Variants in PACRGL observed in about 807,000 individuals in gnomAD.
The protein encoded by PACRGL is parkin coregulated like, also known as PACRG-like protein.
A neutral mutation model predicts 34.5 loss-of-function variants in PACRGL; 38 were observed. The ratio of observed to expected loss-of-function variants is 1.10; its 90% CI spans 0.85 to 1.44. The LOEUF (loss-of-function observed/expected upper bound fraction) is 1.44. PACRGL is among the 40% of genes most tolerant of loss of function. The pLI, the probability that PACRGL is intolerant of heterozygous loss-of-function variation, is 0.00. For synonymous variants in PACRGL, 128 were observed against 100.1 expected (o/e 1.28, Z -1.66); for missense variants, 305 against 281.4 (o/e 1.08, Z -0.60).
At chr4:20,734,725 T>A (rs762254961), downstream of PACRGL, 1 of 1,560,218 alleles carries the variant, frequency 6.4e-7, no homozygotes, top group Non-Finnish European at 8.7e-7. Context: ...GGAAAGACCT[T>A]TGATGAAATC....
chr4:20,700,401 G>A (rs1010784617), upstream of PACRGL: 5 of 152,188 alleles, frequency 3.3e-5, no homozygotes, highest in Non-Finnish European at 7.3e-5. Flanking sequence ...GACGCAGCGT[G>A]CGTCTGACGT....
intron 8 of PACRGL, among the ~76,000 whole-genome samples, chr4:20,750,085 A>G (rs193068543): frequency 4.9e-4 from 75 of 152,354 alleles, no homozygotes; most frequent in Non-Finnish European, 9.8e-4. Context: ...GACCATCTCT[A>G]GAAGTAAAGT....
chr4:20,732,866 A>G (rs1386053737), downstream of PACRGL: 7 of 837,546 alleles, frequency 8.4e-6, no homozygotes, highest in African/African-American at 1.0e-4. Context: ...GATTTTTCCT[A>G]CTCAATTTTA....
At chr4:20,759,174 T>A in the PACRGL span, among the ~76,000 whole-genome samples, 1 of 152,194 alleles carries the variant, frequency 6.6e-6, no homozygotes, top group Non-Finnish European at 1.5e-5. Context: ...ATGTTTATTA[T>A]AAAGTAAAAG....
intron 1 of PACRGL, among the ~76,000 whole-genome samples, chr4:20,704,126 A>T (rs1408701201): frequency 1.3e-5 from 2 of 152,188 alleles, no homozygotes; most frequent in East Asian, 1.9e-4. Context: ...ATGACAGGGA[A>T]TGTACCAACC....
the PACRGL span, among the ~76,000 whole-genome samples, chr4:20,765,684 G>A: frequency 1.3e-5 from 2 of 152,148 alleles, no homozygotes; most frequent in Non-Finnish European, 2.9e-5. Context: ...CTGCTGGCTG[G>A]TATACTTATC....
chr4:20,704,628 C>G (rs1733715263), intron 2 of PACRGL, 32 bp from the exon 3 acceptor site: 3 of 1,613,580 alleles, frequency 1.9e-6, no homozygotes, highest in East Asian at 4.5e-5. Context: ...TTGCTTGTAC[C>G]TGGTTTCTAT....
chr4:20,732,808 G>C (rs771055362), downstream of PACRGL: 7 of 1,371,414 alleles, frequency 5.1e-6, no homozygotes, highest in Non-Finnish European at 7.3e-6. Context: ...AGGCACTCAC[G>C]TGAGGCTGCA....
downstream of PACRGL, among the ~76,000 whole-genome samples, chr4:20,756,360 A>G (rs761411879): frequency 4.6e-5 from 7 of 152,108 alleles, no homozygotes; most frequent in Non-Finnish European, 8.8e-5. Flanking sequence ...ATCCCATCGC[A>G]TCACTATCTT....
chr4:20,747,353 A>G (rs1056519350), intron 8 of PACRGL, among the ~76,000 whole-genome samples: 11 of 152,208 alleles, frequency 7.2e-5, no homozygotes, highest in Admixed American at 7.2e-4. Flanking sequence ...TAGGTGAACT[A>G]TATTAGGTAA....
intron 3 of PACRGL, among the ~76,000 whole-genome samples, chr4:20,706,021 T>A (rs1028518892): frequency 1.3e-5 from 2 of 151,374 alleles, no homozygotes; most frequent in East Asian, 1.9e-4. Flanking sequence ...AGTTAAAAAA[T>A]TTTTTGAAAC....
At position 20,732,458 on chromosome 4, in the gene PACRGL, C is replaced by A. The variant is rs1447678408; in HGVS notation, c.*5117C>A. Among the ~76,000 whole-genome samples the A allele has an allele frequency of 6.6e-6, 1 of 152,162 alleles. No homozygotes were observed. The highest frequency in any genetic ancestry group is 2.4e-5 in the African/African-American group (1 of 41,438). On this transcript the variant is annotated 3_prime_UTR_variant, in exon 9 of 9. Coordinates refer to ENST00000503585, the MANE Select transcript of PACRGL (RefSeq NM_001258345.3). Reference sequence around the variant, plus strand: ...AAACAAAACTTGTGAAACATGAGAACTGTTTAGTGTTGTATCTTGGATTTA... The same window carrying A: ...AAACAAAACTTGTGAAACATGAGAAATGTTTAGTGTTGTATCTTGGATTTA...
At position 20,727,429 on chromosome 4, in the gene PACRGL, A is replaced by G; in HGVS notation, c.*88A>G. 1 of 1,100,838 alleles carries G rather than the reference A, an allele frequency of 9.1e-7. No individual in the cohort carries two copies. The highest frequency in any genetic ancestry group is 1.4e-6 in the Non-Finnish European group (1 of 730,694). The allele number at this position is 1,100,838 out of a possible 1,614,324, so 68.2% of individuals were successfully genotyped here. A position where few individuals can be genotyped will look rare whatever the true frequency, so the allele number is the denominator to read the frequency against. On this transcript the variant is annotated 3_prime_UTR_variant, in exon 9 of 9. Transcript: ENST00000503585. ...ACTCATTTATTTTATTCTTTTGTAA[A>G]TCACAGCCACCATTCATTATTTACT...
intron 7 of PACRGL, 56 bp downstream of exon 7, chr4:20,713,595 A>G (rs1238307822): frequency 4.3e-6 from 6 of 1,381,546 alleles, no homozygotes; most frequent in Non-Finnish European, 6.1e-6. Flanking sequence ...CACCATCCAT[A>G]TCTCTTCATG....
the PACRGL span, among the ~76,000 whole-genome samples, chr4:20,762,951 C>G: frequency 3.4e-4 from 25 of 73,188 alleles, no homozygotes; most frequent in Admixed American, 1.4e-3. Context: ...CTTCACAAGG[C>G]AGCAAGAAAG....
chr4:20,741,351 C>G (rs1242453266), intron 8 of PACRGL, among the ~76,000 whole-genome samples: 1 of 152,168 alleles, frequency 6.6e-6, no homozygotes, highest in Admixed American at 6.5e-5. Context: ...TGTAAAAGAA[C>G]AGAAATTATA....
Position 20,731,369 on chromosome 4 carries a change from A to G in PACRGL, c.*4028A>G. On this transcript the variant is annotated 3_prime_UTR_variant, in exon 9 of 9. Coordinates refer to ENST00000503585, the MANE Select transcript of PACRGL (RefSeq NM_001258345.3). ...GATTACAGTTGTGAGCTACTGTACCAGGCCTTAACAATTTTTAACTGTGGT... is the reference window on the plus strand; with the variant it reads ...GATTACAGTTGTGAGCTACTGTACCGGGCCTTAACAATTTTTAACTGTGGT... 13 of 983,258 alleles carry G rather than the reference A, an allele frequency of 1.3e-5. No individual in the cohort carries two copies. Among genetic ancestry groups the G allele is most frequent in the Non-Finnish European group, 1.6e-5 (13 of 827,992 alleles). The allele number at this position is 983,258 out of a possible 1,614,324, so 60.9% of individuals were successfully genotyped here.
chr4:20,737,372 A>C (rs1749866811), downstream of PACRGL, among the ~76,000 whole-genome samples: 1 of 152,198 alleles, frequency 6.6e-6, no homozygotes, highest in African/African-American at 2.4e-5. Context: ...GGTCCAGTGG[A>C]GTAGGAGTGA....
downstream of PACRGL, among the ~76,000 whole-genome samples, chr4:20,757,800 T>C (rs1277450393): frequency 6.6e-6 from 1 of 152,198 alleles, no homozygotes; most frequent in African/African-American, 2.4e-5. Flanking sequence ...GGTAGGGTTG[T>C]TGGATGGTGA....
Sources: allele counts gnomAD v4.1 joint callset (sites outside exome capture counted in the v4.1 genomes callset), GRCh38; gene constraint gnomAD v4.1.1; transcripts MANE v1.5; gene names NCBI Gene and HGNC (gene_info 2026-07-23, HGNC 2026-07-21).